CLMN: variants seen among roughly 807,000 people sequenced by gnomAD.
The protein encoded by CLMN is calmin (calponin-like, transmembrane).
A neutral mutation model predicts 92.7 loss-of-function variants in CLMN; 57 were observed. That is an observed-to-expected ratio of 0.61 (90% confidence interval 0.50 to 0.77). CLMN has a LOEUF of 0.77. CLMN is among the 30% of genes least tolerant of loss of function. CLMN has a pLI of 0.00. For missense variants in CLMN, 1,158 were observed against 1,237.5 expected, an observed-to-expected ratio of 0.94 and a Z score of 0.96; for synonymous variants, 466 against 470.6, an observed-to-expected ratio of 0.99 and a Z score of 0.13.
In CLMN at chr14:95,277,461, G is replaced by A. The variant is rs548582520; in HGVS notation, c.82+42250C>T. Among the ~76,000 whole-genome samples the A allele has an allele frequency of 9.9e-5, 15 of 152,234 alleles. No homozygotes were observed. In the South Asian group the frequency reaches 2.9e-3, roughly 30 times the overall value. ...CTTGGTCTCCGCCATTTGGAAGGTG[G>A]GAATTTTGTGAATTCATGTCATAGT... On this transcript the variant is annotated intron_variant, in intron 1 of 12. Transcript: ENST00000298912.
chr14:95,248,994 A>G (rs28756145), intron 1 of CLMN, among the ~76,000 whole-genome samples: 22,823 of 152,156 alleles, frequency 0.15, 2,907 homozygotes, highest in African/African-American at 0.34. Context: ...ATTTGACAAG[A>G]AAATTTTCTT....
At position 95,266,154 on chromosome 14, in the gene CLMN, T is replaced by C. The variant is rs188672168; in HGVS notation, c.83-36021A>G. Among the ~76,000 whole-genome samples the C allele has an allele frequency of 1.3e-4, 20 of 152,372 alleles. 2 individuals carry two copies. The highest frequency in any genetic ancestry group is 4.6e-4 in the African/African-American group (19 of 41,576). ...TCTAAGATCTGGAACGAGACAAGGATGTCCACTGTCATTACTTTTATTCAG... is the reference window on the plus strand; with the variant it reads ...TCTAAGATCTGGAACGAGACAAGGACGTCCACTGTCATTACTTTTATTCAG... On this transcript the variant is annotated intron_variant, in intron 1 of 12. Transcript: ENST00000298912.
At chr14:95,307,830 AG>A (rs889352859) in intron 1 of CLMN, 1 of 152,184 alleles carries the variant, frequency 6.6e-6, no homozygotes, top group African/African-American at 2.4e-5. Context: ...TGGTGAGTCT[AG>A]GGGGCTGCAG....
chr14:95,252,155 G>A (rs1355138754), intron 1 of CLMN, among the ~76,000 whole-genome samples: 1 of 152,172 alleles, frequency 6.6e-6, no homozygotes, highest in Non-Finnish European at 1.5e-5. Flanking sequence ...TGTGCCAGCT[G>A]AAGTCGGGCA....
intron 8 of CLMN, among the ~76,000 whole-genome samples, chr14:95,206,503 T>C (rs890689891): frequency 2.0e-5 from 3 of 152,230 alleles, no homozygotes; most frequent in African/African-American, 4.8e-5. Context: ...AAAGAAACCA[T>C]GTGCTGGGCC....
At chr14:95,285,852 T>C (rs894581759) in intron 1 of CLMN, among the ~76,000 whole-genome samples, 1 of 151,652 alleles carries the variant, frequency 6.6e-6, no homozygotes, top group African/African-American at 2.4e-5. Context: ...ACAGCAGGCA[T>C]TGTTAATCAA....
intron 1 of CLMN, among the ~76,000 whole-genome samples, chr14:95,241,533 A>G (rs1348554987): frequency 1.3e-5 from 2 of 152,258 alleles, no homozygotes; most frequent in African/African-American, 2.4e-5. Context: ...AAAAAGTGAC[A>G]ACAGCATGAA....
intron 9 of CLMN, chr14:95,198,894 T>A (rs1896798445): frequency 6.6e-6 from 1 of 152,118 alleles, no homozygotes; most frequent in Admixed American, 6.6e-5. Context: ...ATTCATCATT[T>A]TATTTTATTT....
Position 95,194,508 on chromosome 14 carries a change from C to G in CLMN, c.2769+28G>C. On this transcript the variant is annotated intron_variant, in intron 11 of 12. Transcript: ENST00000298912. This position sits in a 1 kb window ranked among gnomAD's most constrained non-coding sequence, Gnocchi z 4.0. ...AAGGAATTGATTAGCAGGGGCCGTG[C>G]GGAAAGAGAAGAAATTCACATACTA... 1 of 1,613,838 alleles carries G rather than the reference C, an allele frequency of 6.2e-7. No homozygotes were observed. The highest frequency in any genetic ancestry group is 1.1e-5 in the South Asian group (1 of 91,070).
In CLMN at chr14:95,252,519, C is replaced by T. The variant is rs150383690; in HGVS notation, c.83-22386G>A. On this transcript the variant is annotated intron_variant, in intron 1 of 12. Transcript: ENST00000298912. ...GAGTAGCTGAGAGACATCTGGTCTG[C>T]GCCCTTGGCTTCTGGTGGGTAATTT... Among the ~76,000 whole-genome samples, 619 of 152,270 alleles carry T rather than the reference C, an allele frequency of 4.1e-3. 4 individuals are homozygous for T. Among genetic ancestry groups the T allele is most frequent in the African/African-American group, 0.014 (578 of 41,540 alleles).
At chr14:95,319,309 A>T (rs1371534748) in intron 1 of CLMN, among the ~76,000 whole-genome samples, 170 of 82,840 alleles carry the variant, frequency 2.1e-3, no homozygotes, top group African/African-American at 6.1e-3. Context: ...GAACTCACAC[A>T]CACACACACA....
At chr14:95,293,236 CCCT>C (rs1900655612) in intron 1 of CLMN, among the ~76,000 whole-genome samples, 1 of 85,508 alleles carries the variant, frequency 1.2e-5, no homozygotes, top group Non-Finnish European at 2.5e-5. Flanking sequence ...TTTCCTCCCT[CCCT>C]CCTTCCTTCC....
At chr14:95,244,587 G>A (rs1408282819) in intron 1 of CLMN, among the ~76,000 whole-genome samples, 1 of 152,176 alleles carries the variant, frequency 6.6e-6, no homozygotes, top group Non-Finnish European at 1.5e-5. Context: ...CTTGAGAAAT[G>A]TTTTTCAGGC....
intron 1 of CLMN, among the ~76,000 whole-genome samples, chr14:95,265,743 G>A (rs1222615860): frequency 6.6e-6 from 1 of 152,228 alleles, no homozygotes; most frequent in Non-Finnish European, 1.5e-5. Context: ...CTCAGACAGA[G>A]CCCTGTTGAA....
At chr14:95,316,917 A>G (rs1052140472) in intron 1 of CLMN, among the ~76,000 whole-genome samples, 2 of 152,170 alleles carry the variant, frequency 1.3e-5, no homozygotes, top group Non-Finnish European at 2.9e-5. Context: ...CTCAATCCCT[A>G]TGATTAGAGA....
At chr14:95,230,631 T>C (rs1453492020) in intron 1 of CLMN, among the ~76,000 whole-genome samples, 1 of 152,072 alleles carries the variant, frequency 6.6e-6, no homozygotes, top group Non-Finnish European at 1.5e-5. Context: ...GATCAGACTC[T>C]GAGCCCTGTC....
At chr14:95,311,342 C>T (rs768444651) in intron 1 of CLMN, among the ~76,000 whole-genome samples, 1 of 152,132 alleles carries the variant, frequency 6.6e-6, no homozygotes, top group Non-Finnish European at 1.5e-5. Context: ...CTCCTGGCTG[C>T]ATGGAGAACC....
Position 95,203,635 on chromosome 14 carries a change from C to G in CLMN, c.1714G>C (p.Asp572His). The G allele has an allele frequency of 6.2e-7, 1 of 1,614,170 alleles. No homozygotes were observed. Among genetic ancestry groups the G allele is most frequent in the Non-Finnish European group, 8.5e-7 (1 of 1,180,034 alleles). The change falls in exon 9 of 13, where the codon GAT becomes CAT. Residue 572 changes from aspartate (D) to histidine (H), a missense_variant. Coordinates refer to ENST00000298912, the MANE Select transcript of CLMN (RefSeq NM_024734.4). ...AAAGCCTGGCTGGTAGAAGCAAAAT[C>G]TATTAGGTCGCTGTTAAATTTTGAG... The part of the protein sequence containing the change: ...KASKFNSDLI[D>H]FASTSQAFNK...
rs1334731259 is a variant in CLMN, at chr14:95,203,770, G to T, written c.1579C>A (p.Pro527Thr). 1 of 1,614,146 alleles carries T rather than the reference G, an allele frequency of 6.2e-7. No homozygotes were observed. ...GCCATCACAGTATTTTCTCCTGGGGGTGAAAGAGAGTGACTTTCTTCATCG... is the reference window on the plus strand; with the variant it reads ...GCCATCACAGTATTTTCTCCTGGGGTTGAAAGAGAGTGACTTTCTTCATCG... ...RHDEESHSLS[P>T]PGENTVMADS... The change falls in exon 9 of 13, where the codon CCC becomes ACC. Residue 527 changes from proline to threonine, a missense_variant. Physicochemically the swap from Pro to Thr is conservative, Grantham distance 38. Coordinates refer to ENST00000298912, the MANE Select transcript of CLMN (RefSeq NM_024734.4).
Sources: gnomAD v4.1 joint callset for allele counts (sites outside exome capture counted in the v4.1 genomes callset) on GRCh38, gnomAD v4.1.1 for gene constraint, Gnocchi (gnomAD v3.1) non-coding constraint, MANE v1.5 for transcripts, NCBI Gene and HGNC (gene_info 2026-07-23, HGNC 2026-07-21) for gene names.